ROBO2: variants seen among roughly 807,000 people sequenced by gnomAD.
ROBO2 encodes roundabout guidance receptor 2.
A neutral mutation model predicts 160.8 loss-of-function variants in ROBO2; 53 were observed. The ratio of observed to expected loss-of-function variants is 0.33; its 90% CI spans 0.26 to 0.41. The LOEUF (loss-of-function observed/expected upper bound fraction) is 0.41, where lower values mean the gene tolerates loss of function less well. Ranked by LOEUF, ROBO2 falls within the 10% of genes least tolerant of loss-of-function variation. ROBO2 has a pLI of 1.00. For synonymous variants in ROBO2, 664 were observed against 611.7 expected (o/e 1.09, Z -1.26); for missense variants, 1,577 against 1,722.4 (o/e 0.92, Z 1.49).
At chr3:77,372,155 G>A (rs190545360) in intron 2 of ROBO2, among the ~76,000 whole-genome samples, 2 of 152,166 alleles carry the variant, frequency 1.3e-5, no homozygotes, top group African/African-American at 4.8e-5. Flanking sequence ...AGAGAAGGAA[G>A]GAGGGAGAGA....
chr3:77,387,104 T>C (rs1461200649), intron 2 of ROBO2, among the ~76,000 whole-genome samples: 2 of 152,004 alleles, frequency 1.3e-5, no homozygotes, highest in Admixed American at 6.6e-5. Context: ...ATGAAAAATC[T>C]TGGAAGCAAG....
intron 2 of ROBO2, among the ~76,000 whole-genome samples, chr3:77,186,433 A>G (rs1255064126): frequency 6.6e-6 from 1 of 152,004 alleles, no homozygotes; most frequent in Non-Finnish European, 1.5e-5. Flanking sequence ...AGGATCAGCA[A>G]GATGAGAAGA....
intron 12 of ROBO2, 103 bp downstream of exon 13, chr3:77,565,223 G>A: frequency 7.9e-7 from 1 of 1,271,952 alleles, no homozygotes; most frequent in Non-Finnish European, 1.1e-6. Context: ...GCATTGCTTT[G>A]TATGATGGCT....
At chr3:76,053,193 A>G (rs1231500098) in intron 2 of ROBO2, among the ~76,000 whole-genome samples, 1 of 152,016 alleles carries the variant, frequency 6.6e-6, no homozygotes, top group Admixed American at 6.6e-5. Flanking sequence ...ACGTTAAAGT[A>G]CATGATTCAT....
chr3:76,455,276 G>A (rs9826755), intron 2 of ROBO2, among the ~76,000 whole-genome samples: 57,272 of 151,800 alleles, frequency 0.38, 10,881 homozygotes, highest in Non-Finnish European at 0.39. Flanking sequence ...TAAATGTTTC[G>A]TTTTATCCAA....
chr3:76,175,792 TC>T (rs1305883657), intron 2 of ROBO2, among the ~76,000 whole-genome samples: 1 of 152,160 alleles, frequency 6.6e-6, no homozygotes, highest in East Asian at 1.9e-4. Context: ...TAGTAATACT[TC>T]CATGACTGAT....
At chr3:76,731,384 G>A (rs545158990) in intron 2 of ROBO2, among the ~76,000 whole-genome samples, 1 of 152,282 alleles carries the variant, frequency 6.6e-6, no homozygotes, top group South Asian at 2.1e-4. Flanking sequence ...AAGAATTCCT[G>A]GGAGGCTATT....
At chr3:76,942,226 C>G (rs558965899) in intron 2 of ROBO2, among the ~76,000 whole-genome samples, 2 of 152,134 alleles carry the variant, frequency 1.3e-5, no homozygotes, top group African/African-American at 4.8e-5. Flanking sequence ...GATTTGTTTT[C>G]CTTTTCATCT....
chr3:76,642,188 A>G (rs1185720583), intron 2 of ROBO2, among the ~76,000 whole-genome samples: 1 of 152,142 alleles, frequency 6.6e-6, no homozygotes, highest in South Asian at 2.1e-4. Context: ...TTACCAGAGG[A>G]GAAAACTGAA....
intron 2 of ROBO2, among the ~76,000 whole-genome samples, chr3:76,714,380 G>T (rs1266546285): frequency 2.0e-5 from 3 of 152,092 alleles, no homozygotes; most frequent in African/African-American, 7.2e-5. Flanking sequence ...GTGTTTAAAA[G>T]TATCATTATT....
intron 2 of ROBO2, among the ~76,000 whole-genome samples, chr3:76,715,107 T>C (rs1345231807): frequency 6.6e-6 from 1 of 152,152 alleles, no homozygotes; most frequent in African/African-American, 2.4e-5. Context: ...TTTTCCAAAC[T>C]ATAATTAGAC....
intron 2 of ROBO2, among the ~76,000 whole-genome samples, chr3:76,219,495 C>G (rs80173341): frequency 0.13 from 19,820 of 152,038 alleles, 1,692 homozygotes; most frequent in East Asian, 0.23. Context: ...AACAAACAAC[C>G]CCATCAAAAA....
At chr3:77,562,558 T>C in intron 9 of ROBO2, 93 bp from the exon 11 acceptor site, 1 of 857,600 alleles carries the variant, frequency 1.2e-6, no homozygotes, top group East Asian at 2.7e-5. Flanking sequence ...ATACATCTAA[T>C]TTTAAGAAAT....
At chr3:76,765,850 C>A (rs2061550547) in intron 2 of ROBO2, among the ~76,000 whole-genome samples, 1 of 151,522 alleles carries the variant, frequency 6.6e-6, no homozygotes, top group Admixed American at 6.6e-5. Flanking sequence ...AAAATGAGAG[C>A]AAAATAAAAG....
At chr3:76,072,465 C>A (rs982520683) in intron 2 of ROBO2, among the ~76,000 whole-genome samples, 16 of 152,058 alleles carry the variant, frequency 1.1e-4, no homozygotes, top group Non-Finnish European at 1.8e-4. Context: ...TTGAGAGATG[C>A]ATTTACCAGT....
At chr3:76,151,391 C>T (rs1049850314) in intron 2 of ROBO2, among the ~76,000 whole-genome samples, 3 of 152,156 alleles carry the variant, frequency 2.0e-5, no homozygotes, top group African/African-American at 7.2e-5. Flanking sequence ...GCACCAGAGC[C>T]ACCAGGGCAT....
At chr3:76,807,942 C>T (rs2064864082) in intron 2 of ROBO2, among the ~76,000 whole-genome samples, 1 of 151,902 alleles carries the variant, frequency 6.6e-6, no homozygotes, top group Non-Finnish European at 1.5e-5. Context: ...ATTTTACAGA[C>T]CATCAAATTA....
chr3:76,115,662 A>G (rs1322257055), intron 2 of ROBO2, among the ~76,000 whole-genome samples: 1 of 152,152 alleles, frequency 6.6e-6, no homozygotes, highest in Non-Finnish European at 1.5e-5. Flanking sequence ...TTGTTAGGAA[A>G]TTTTTTTAAA....
At chr3:76,128,555 A>T (rs2071093931) in intron 2 of ROBO2, among the ~76,000 whole-genome samples, 1 of 150,006 alleles carries the variant, frequency 6.7e-6, no homozygotes, top group Non-Finnish European at 1.5e-5. Context: ...CGCTGTATCT[A>T]AAAAAAGTTG....
Sources: gnomAD v4.1 joint callset for allele counts (sites outside exome capture counted in the v4.1 genomes callset) on GRCh38, gnomAD v4.1.1 for gene constraint, MANE v1.5 for transcripts, NCBI Gene and HGNC (gene_info 2026-07-23, HGNC 2026-07-21) for gene names.